Variants in BCAS2 observed in about 807,000 individuals in gnomAD.
BCAS2 encodes BCAS2 pre-mRNA processing factor, also known as pre-mRNA-splicing factor SPF27.
In BCAS2, 34 loss-of-function variants were observed where a neutral mutation model predicts 35.3. That is an observed-to-expected ratio of 0.96 (90% CI 0.73 to 1.28). The LOEUF (loss-of-function observed/expected upper bound fraction) is 1.28. Among genes scored for constraint, BCAS2 ranks in the 50% most tolerant of loss-of-function variants. The pLI, the probability that BCAS2 is intolerant of heterozygous loss-of-function variation, is 0.00. For missense variants in BCAS2, 221 were observed against 268.1 expected, an observed-to-expected ratio of 0.82 and a Z score of 1.23; for synonymous variants, 75 against 91.6, an observed-to-expected ratio of 0.82 and a Z score of 1.03.
At chr1:114,580,573 T>C (rs1030515501) in intron 2 of BCAS2, among the ~76,000 whole-genome samples, 5 of 152,234 alleles carry the variant, frequency 3.3e-5, no homozygotes, top group African/African-American at 9.6e-5. Flanking sequence ...TTGTTTTATA[T>C]ATCTAGCTCC....
intron 3 of BCAS2, 39 bp downstream of exon 3, chr1:114,576,649 C>A: frequency 6.6e-7 from 1 of 1,520,924 alleles, no homozygotes; most frequent in East Asian, 2.3e-5. Flanking sequence ...TACTGAGTTA[C>A]TACAAACTAA....
At chr1:114,577,411 C>G (rs1011676243) in intron 2 of BCAS2, among the ~76,000 whole-genome samples, 1 of 151,534 alleles carries the variant, frequency 6.6e-6, no homozygotes, top group Non-Finnish European at 1.5e-5. Flanking sequence ...TCGCTCTTGT[C>G]CCCCAGGCTG....
chr1:114,573,122 CAAAAAAAAAAAAAAAA>C (rs34796829), intron 4 of BCAS2, among the ~76,000 whole-genome samples: 2 of 6,368 alleles, frequency 3.1e-4, no homozygotes, highest in African/African-American at 6.1e-4. Context: ...CCCCCACCTC[CAAAAAAAAAAAAAAAA>C]AAAAAAAAAA....
intron 2 of BCAS2, among the ~76,000 whole-genome samples, chr1:114,581,023 C>T (rs992518277): frequency 6.6e-6 from 1 of 152,140 alleles, no homozygotes; most frequent in Non-Finnish European, 1.5e-5. Context: ...GAGAGGGTCC[C>T]TTTGAGAATT....
intron 5 of BCAS2, 37 bp downstream of exon 5, chr1:114,570,662 AC>A: frequency 7.1e-7 from 1 of 1,402,372 alleles, no homozygotes; most frequent in East Asian, 2.3e-5. Context: ...TTAAAGGTTC[AC>A]TTAAACTTCA....
In BCAS2 at chr1:114,581,578, C is replaced by A. The variant is rs1376487285; in HGVS notation, c.14G>T (p.Gly5Val). Residue 5 changes from glycine (G) to valine (V), a missense_variant, in exon 1 of 7, where the codon GGT becomes GTT. Gly to Val is a moderately radical substitution (Grantham distance 109). Coordinates refer to ENST00000369541, the MANE Select transcript of BCAS2 (RefSeq NM_005872.3). ...CACCACAACCTCTCCAGCCACCAAA[C>A]CTGTGCCCGCCATTCTGAGGACCTC... MAGT[G>V]LVAGEVVVDA... 1 of 1,603,710 alleles carries A rather than the reference C, an allele frequency of 6.2e-7. No individual in the cohort carries two copies.
Position 114,568,033 on chromosome 1 carries a change from T to A in BCAS2, c.*97A>T. On this transcript the variant is annotated 3_prime_UTR_variant, in exon 7 of 7. Coordinates refer to ENST00000369541, the MANE Select transcript of BCAS2 (RefSeq NM_005872.3). ...TGATTTCTAAACACTTAAACATCAATGGTTTTGGGAAGATGCTGTTGTCCT... is the reference window on the plus strand; with the variant it reads ...TGATTTCTAAACACTTAAACATCAAAGGTTTTGGGAAGATGCTGTTGTCCT... 6.7e-7 allele frequency: 1 copy of A among 1,484,590 alleles called. No homozygotes were observed. The highest frequency in any genetic ancestry group is 9.2e-7 in the Non-Finnish European group (1 of 1,082,416). 92.0% of individuals were successfully genotyped at this position (1,484,590 alleles called of 1,614,324 possible).
At chr1:114,571,865 T>C (rs532959833) in intron 4 of BCAS2, among the ~76,000 whole-genome samples, 17 of 152,316 alleles carry the variant, frequency 1.1e-4, no homozygotes, top group African/African-American at 3.8e-4. Flanking sequence ...TATTTGCATG[T>C]AACATATGCA....
chr1:114,568,304 C>T, intron 6 of BCAS2, 48 bp from the exon 7 acceptor site: 1 of 1,577,752 alleles, frequency 6.3e-7, no homozygotes, highest in Non-Finnish European at 8.6e-7. Context: ...TGTAAAACTT[C>T]TCTTAGAAGA....
intron 3 of BCAS2, 117 bp downstream of exon 3, chr1:114,576,571 A>G (rs1654773183): frequency 1.3e-6 from 1 of 776,346 alleles, no homozygotes; most frequent in African/African-American, 1.8e-5. Context: ...TACAGGTGTG[A>G]GCCACCACAC....
chr1:114,575,531 G>T, intron 4 of BCAS2, 59 bp downstream of exon 4: 1 of 1,496,894 alleles, frequency 6.7e-7, no homozygotes, highest in South Asian at 1.3e-5. Flanking sequence ...AACTTTGGGT[G>T]AGATGGAAAG....
intron 3 of BCAS2, among the ~76,000 whole-genome samples, chr1:114,576,447 T>C (rs891974116): frequency 6.7e-6 from 1 of 150,226 alleles, no homozygotes; most frequent in East Asian, 1.9e-4. Context: ...ATTATTATTA[T>C]TATTATTATT....
Position 114,568,613 on chromosome 1 carries a change from C to T in BCAS2, c.552-357G>A, listed in dbSNP as rs558684574. 6.9e-4 allele frequency among the ~76,000 whole-genome samples: 105 copies of T among 151,904 alleles called. 1 individual carries two copies. Among genetic ancestry groups the T allele is most frequent in the Middle Eastern group, 6.8e-3 (2 of 294 alleles). ...AACTCCTGACCCCAGGTGATCCACCCACCTCGGTCTCCTAATGTGCTGGGA... is the reference window on the plus strand; with the variant it reads ...AACTCCTGACCCCAGGTGATCCACCTACCTCGGTCTCCTAATGTGCTGGGA... On this transcript the variant is annotated intron_variant, in intron 6 of 6. Transcript: ENST00000369541.
intron 2 of BCAS2, among the ~76,000 whole-genome samples, chr1:114,580,922 C>T (rs1654873476): frequency 6.6e-6 from 1 of 152,098 alleles, no homozygotes; most frequent in Admixed American, 6.6e-5. Context: ...CTTTAATATG[C>T]CACTCTCCAG....
intron 3 of BCAS2, 83 bp downstream of exon 3, chr1:114,576,605 C>T: frequency 2.5e-6 from 3 of 1,198,792 alleles, no homozygotes; most frequent in Non-Finnish European, 3.6e-6. Context: ...CCAATATTAG[C>T]CAGCAAATAC....
chr1:114,570,740 G>C lies in BCAS2; in HGVS notation c.430C>G (p.His144Asp), dbSNP rs753268271. The change falls in exon 5 of 7, where the codon CAT becomes GAT. Residue 144 changes from histidine to aspartate, a missense_variant. Transcript: ENST00000369541. ...TCCTTCTGTGCGTGTTCAATCATAT[G>C]AACTAGATTTCTGAAGGAAAAGAGG... ...AWKVYNENLVHMIEHAQKELQ... is the reference protein window; with the variant it reads ...AWKVYNENLVDMIEHAQKELQ... 2 of 1,587,462 alleles carry C rather than the reference G, an allele frequency of 1.3e-6. No individual in the cohort carries two copies. The highest frequency in any genetic ancestry group is 1.1e-5 in the South Asian group (1 of 88,740).
Position 114,575,883 on chromosome 1 carries a change from T to C in BCAS2, c.258-132A>G. 3 of 979,566 alleles carry C rather than the reference T, an allele frequency of 3.1e-6. No homozygotes were observed. The South Asian group carries it at 5.7e-5, about 19-fold the overall frequency. The allele number at this position is 979,566 out of a possible 1,614,324, so 60.7% of individuals were successfully genotyped here. A position where few individuals can be genotyped will look rare whatever the true frequency, so the allele number is the denominator to read the frequency against. On this transcript the variant is annotated intron_variant, in intron 3 of 6. Coordinates refer to ENST00000369541, the MANE Select transcript of BCAS2 (RefSeq NM_005872.3). ...AAGACTAAGGATGTAAACCTTGCAA[T>C]AATAAGAAACCGATATATGCTAACA... is the stretch of plus-strand genomic sequence containing the variant.
chr1:114,580,323 A>G (rs957018635), intron 2 of BCAS2, among the ~76,000 whole-genome samples: 4 of 152,246 alleles, frequency 2.6e-5, no homozygotes, highest in Non-Finnish European at 4.4e-5. Flanking sequence ...CTTGAATCCA[A>G]TAATTTAGAA....
At chr1:114,576,793 C>T (rs1654779160) in intron 2 of BCAS2, 35 bp from the exon 3 acceptor site, 2 of 1,506,534 alleles carry the variant, frequency 1.3e-6, no homozygotes, top group African/African-American at 2.7e-5. Context: ...TTTCTAAGAT[C>T]ATGTTGACAA....
Sources: gnomAD v4.1 joint callset for allele counts (sites outside exome capture counted in the v4.1 genomes callset) on GRCh38, gnomAD v4.1.1 for gene constraint, MANE v1.5 for transcripts, NCBI Gene and HGNC (gene_info 2026-07-23, HGNC 2026-07-21) for gene names.